Variants in ARFGAP1 observed in about 807,000 individuals in gnomAD.
ARFGAP1 encodes the protein ADP-ribosylation factor GTPase-activating protein 1.
A neutral mutation model predicts 54.0 loss-of-function variants in ARFGAP1; 26 were observed. The ratio of observed to expected loss-of-function variants is 0.48; its 90% confidence interval spans 0.35 to 0.67. ARFGAP1 has a LOEUF of 0.67. Among genes scored for constraint, ARFGAP1 ranks in the 30% least tolerant of loss-of-function variants. ARFGAP1 has a pLI of 0.00. For missense variants in ARFGAP1, 525 were observed against 535.8 expected (o/e 0.98, Z 0.20); for synonymous variants, 248 against 211.9 (o/e 1.17, Z -1.48).
Position 63,287,824 on chromosome 20 carries a change from T to C in ARFGAP1, c.1172T>C (p.Val391Ala), listed in dbSNP as rs764403746. The C allele has an allele frequency of 1.3e-4, 206 of 1,583,476 alleles. No homozygotes were observed. Among genetic ancestry groups the C allele is most frequent in the Non-Finnish European group, 1.7e-4 (203 of 1,165,514 alleles). The change falls in exon 13 of 13, where the codon GTG becomes GCG. Residue 391 changes from valine (V) to alanine (A), a missense_variant. By Grantham distance (64) the Val-to-Ala change is moderately conservative. Coordinates refer to ENST00000370283, the MANE Select transcript of ARFGAP1 (RefSeq NM_018209.4). ...GEGGEGTKKA[V>A]PPAVPTDDGW... ...GGCGGGGAGGGCACCAAGAAGGCAG[T>C]GCCGCCGGCCGTGCCCACTGATGAT...
In ARFGAP1 at chr20:63,285,687, A is replaced by G; in HGVS notation, c.808A>G (p.Ser270Gly). The change falls in exon 11 of 13, where the codon AGT becomes GGT. Residue 270 changes from serine to glycine, a missense_variant. Ser to Gly is a moderately conservative substitution (Grantham distance 56). Coordinates refer to ENST00000370283, the MANE Select transcript of ARFGAP1 (RefSeq NM_018209.4). The part of the protein sequence containing the change: ...KEGKIFDDVS[S>G]GVSQLASKVQ... ...GGGAAAGATTTTTGATGATGTCTCC[A>G]GTGGGGTCTCTCAGTTGGCGTCCAA... The G allele has an allele frequency of 1.2e-6, 2 of 1,613,636 alleles. No individual in the cohort carries two copies. The highest frequency in any genetic ancestry group is 1.7e-6 in the Non-Finnish European group (2 of 1,179,994).
intron 1 of ARFGAP1, among the ~76,000 whole-genome samples, chr20:63,273,830 C>A (rs1332633617): frequency 6.6e-6 from 1 of 152,188 alleles, no homozygotes; most frequent in African/African-American, 2.4e-5. Flanking sequence ...CCTGCTTTGG[C>A]GGCTCACCTC....
chr20:63,280,424 C>T (rs1172905449), intron 7 of ARFGAP1, among the ~76,000 whole-genome samples: 1 of 152,214 alleles, frequency 6.6e-6, no homozygotes, highest in East Asian at 1.9e-4. Flanking sequence ...TCCCAGAGTT[C>T]TGGTATTACA....
At chr20:63,286,327 G>C (rs767174073) in intron 11 of ARFGAP1, 39 bp from the exon 12 acceptor site, 7 of 1,608,088 alleles carry the variant, frequency 4.4e-6, no homozygotes, top group Non-Finnish European at 6.0e-6. Context: ...CCTGTGCCGC[G>C]ACAGGGCCTG....
In ARFGAP1 at chr20:63,287,473, C is replaced by T. The variant is rs907742549; in HGVS notation, c.912-91C>T. On this transcript the variant is annotated intron_variant, in intron 12 of 12. Transcript: ENST00000370283. ...GAGCGCTGGCCTGGGAAGGCGGTCA[C>T]TGTCCAGGTGCAGAGCTCTCGGGGG... The T allele has an allele frequency of 2.8e-5, 36 of 1,283,166 alleles. No homozygotes were observed. In the East Asian group the frequency reaches 8.6e-4, roughly 31 times the overall value. 79.5% of individuals were successfully genotyped at this position (1,283,166 alleles called of 1,614,324 possible). A position where few individuals can be genotyped will look rare whatever the true frequency, so the allele number is the denominator to read the frequency against.
chr20:63,278,684 G>T (rs979116886), intron 6 of ARFGAP1: 2 of 572,160 alleles, frequency 3.5e-6, no homozygotes, highest in Non-Finnish European at 6.2e-6. Flanking sequence ...TTGGGGACTT[G>T]CTGGGGACCC....
At position 63,282,242 on chromosome 20, in the gene ARFGAP1, C is replaced by T. The variant is rs187862887; in HGVS notation, c.685-577C>T. Among the ~76,000 whole-genome samples, 105 of 152,378 alleles carry T rather than the reference C, an allele frequency of 6.9e-4. 1 individual carries two copies. Among genetic ancestry groups the T allele is most frequent in the African/African-American group, 1.3e-3 (56 of 41,592 alleles). ...CCCACGGCCCCGTGACTTTGCCGAG[C>T]GTCAGCTTCTGGTTCCCGCCAGGGC... is the stretch of plus-strand genomic sequence containing the variant. On this transcript the variant is annotated intron_variant, in intron 8 of 12. Transcript: ENST00000370283.
Position 63,276,329 on chromosome 20 carries a change from AGT to A in ARFGAP1, c.170+131_170+132del, listed in dbSNP as rs2067237263. Reference sequence around the variant, plus strand: ...CCATTGCATTGCCAGTGTCCACTCTAGTGACGCCATGGCACAGAGTTCCAGCT... The same window carrying A: ...CCATTGCATTGCCAGTGTCCACTCTAGACGCCATGGCACAGAGTTCCAGCT... On this transcript the variant is annotated intron_variant, in intron 3 of 12. Transcript: ENST00000370283. This position sits in a 1 kb window ranked among gnomAD's most constrained non-coding sequence, Gnocchi z 5.2. 1 of 1,359,516 alleles carries A rather than the reference AGT, an allele frequency of 7.4e-7. No homozygotes were observed. The allele number at this position is 1,359,516 out of a possible 1,614,324, so 84.2% of individuals were successfully genotyped here. A position where few individuals can be genotyped will look rare whatever the true frequency, so the allele number is the denominator to read the frequency against.
At chr20:63,287,459 TG>T in intron 12 of ARFGAP1, 104 bp from the exon 13 acceptor site, 1 of 1,122,758 alleles carries the variant, frequency 8.9e-7, no homozygotes, top group Non-Finnish European at 1.2e-6. Flanking sequence ...AGCGCTGGCC[TG>T]GGAAGGCGGT....
rs776394054 is a variant in ARFGAP1, at chr20:63,287,724, A to G, written c.1072A>G (p.Arg358Gly). Residue 358 changes from arginine (R) to glycine (G), a missense_variant, in exon 13 of 13, where the codon AGG (arginine) becomes GGG (glycine). Arg to Gly is a moderately radical substitution (Grantham distance 125, BLOSUM62 -2). This residue lies in a region of ARFGAP1 where 466 missense variants were observed against 453.6 expected (regional missense o/e 1.03). Transcript: ENST00000370283. ...SWTCADTSTERRSSDSWEVWG... is the reference protein window; with the variant it reads ...SWTCADTSTEGRSSDSWEVWG... ...GACGTGCGCGGACACCTCCACCGAG[A>G]GGAGGAGCTCGGACAGCTGGGAGGT... 2.5e-6 allele frequency: 4 copies of G among 1,607,288 alleles called. No individual in the cohort carries two copies. Among genetic ancestry groups the G allele is most frequent in the South Asian group, 1.1e-5 (1 of 90,748 alleles).
chr20:63,284,467 AG>A (rs1055572425), intron 9 of ARFGAP1: 2 of 1,106,114 alleles, frequency 1.8e-6, no homozygotes, highest in South Asian at 2.6e-5. Flanking sequence ...TCTTCCCTCC[AG>A]GGGGGACTCG....
intron 8 of ARFGAP1, among the ~76,000 whole-genome samples, chr20:63,281,783 G>A (rs1047410128): frequency 3.9e-5 from 6 of 152,174 alleles, no homozygotes; most frequent in Non-Finnish European, 5.9e-5. Flanking sequence ...TGGGGCTTTC[G>A]TCAGGGCAGA....
At chr20:63,282,760 A>G (rs2067417938) in intron 8 of ARFGAP1, 59 bp from the exon 9 acceptor site, 2 of 1,590,676 alleles carry the variant, frequency 1.3e-6, no homozygotes, top group Admixed American at 3.3e-5. Context: ...GGCCCTGAGG[A>G]AGGATGCCTG....
chr20:63,286,314 CT>C (rs2067542930), intron 11 of ARFGAP1, 51 bp from the exon 12 acceptor site: 21 of 1,604,818 alleles, frequency 1.3e-5, no homozygotes, highest in Non-Finnish European at 1.8e-5. Flanking sequence ...CCTCCTGAAG[CT>C]GCCTGTGCCG....
At position 63,289,005 on chromosome 20, in the gene ARFGAP1, G is replaced by T; in HGVS notation, c.*1132G>T. Reference sequence around the variant, plus strand: ...CTGCAGCACTCCTGGAGCAGCCTGGGCCCTTCAGCCCCTGTGCTCGTCCCA... The same window carrying T: ...CTGCAGCACTCCTGGAGCAGCCTGGTCCCTTCAGCCCCTGTGCTCGTCCCA... On this transcript the variant is annotated 3_prime_UTR_variant, in exon 13 of 13. Transcript: ENST00000370283. 5.3e-6 allele frequency: 1 copy of T among 188,832 alleles called. No individual in the cohort carries two copies. Among genetic ancestry groups the T allele is most frequent in the South Asian group, 1.2e-4 (1 of 8,636 alleles). The allele number at this position is 188,832 out of a possible 1,614,324, so 11.7% of individuals were successfully genotyped here.
At chr20:63,273,306 C>T (rs2067150937) in intron 1 of ARFGAP1, 1 of 152,270 alleles carries the variant, frequency 6.6e-6, no homozygotes, top group African/African-American at 2.4e-5. Flanking sequence ...CTGCCCCGTC[C>T]GCTTCAACAC....
chr20:63,280,641 T>C (rs2067356027), intron 7 of ARFGAP1, among the ~76,000 whole-genome samples: 1 of 152,250 alleles, frequency 6.6e-6, no homozygotes, highest in South Asian at 2.1e-4. Flanking sequence ...CTTGCAGTCA[T>C]TGCTACATCT....
chr20:63,278,490 G>T (rs929416516), intron 6 of ARFGAP1: 19 of 479,694 alleles, frequency 4.0e-5, no homozygotes, highest in African/African-American at 3.7e-4. Context: ...TGGGTGTATT[G>T]CAGTGACCCC....
chr20:63,285,984 A>G, intron 11 of ARFGAP1: 2 of 1,523,790 alleles, frequency 1.3e-6, no homozygotes, highest in Non-Finnish European at 1.8e-6. Flanking sequence ...AGTAAGTGCC[A>G]GCGCCGTCTT....
Sources: gnomAD v4.1 joint callset for allele counts (sites outside exome capture counted in the v4.1 genomes callset) on GRCh38, gnomAD v4.1.1 for gene constraint, gnomAD v4.1.1 regional missense constraint, Gnocchi (gnomAD v3.1) non-coding constraint, MANE v1.5 for transcripts, NCBI Gene and HGNC (gene_info 2026-07-23, HGNC 2026-07-21) for gene names.